Variants in USH2A observed in about 807,000 individuals in gnomAD.
USH2A encodes Usher syndrome 2A (autosomal recessive, mild).
A neutral mutation model predicts 538.9 loss-of-function variants in USH2A; 443 were observed. That is an observed-to-expected ratio of 0.82 (90% CI 0.76 to 0.89). USH2A has a LOEUF of 0.89. Among genes scored for constraint, USH2A ranks in the 40% least tolerant of loss-of-function variants. The pLI, the probability that USH2A is intolerant of heterozygous loss-of-function variation, is 0.00. For synonymous variants in USH2A, 2,413 were observed against 2,273.5 expected (o/e 1.06, Z -1.75); for missense variants, 6,633 against 6,324.8 (o/e 1.05, Z -1.65).
At chr1:215,979,503 A>G (rs1667701014) in intron 35 of USH2A, among the ~76,000 whole-genome samples, 1 of 152,188 alleles carries the variant, frequency 6.6e-6, no homozygotes, top group South Asian at 2.1e-4. Flanking sequence ...CACATGTAAA[A>G]TAGACTGGAG....
chr1:215,669,493 C>G (rs112530149), intron 64 of USH2A, among the ~76,000 whole-genome samples: 316 of 152,230 alleles, frequency 2.1e-3, no homozygotes, highest in African/African-American at 7.4e-3. Flanking sequence ...AATGTATATA[C>G]TGTATATTTT....
intron 4 of USH2A, among the ~76,000 whole-genome samples, chr1:216,331,503 G>C (rs976659903): frequency 2.6e-5 from 4 of 151,716 alleles, no homozygotes; most frequent in African/African-American, 9.7e-5. Flanking sequence ...TATAAATCAG[G>C]GTAAAAACAG....
At chr1:215,639,431 T>C (rs1656606528) in intron 68 of USH2A, among the ~76,000 whole-genome samples, 193 bp from the exon 69 acceptor site, 1 of 152,220 alleles carries the variant, frequency 6.6e-6, no homozygotes. Flanking sequence ...AGTGTAATAA[T>C]AGCCTATCCA....
At chr1:215,842,906 C>G (rs531763697) in intron 46 of USH2A, among the ~76,000 whole-genome samples, 1 of 151,986 alleles carries the variant, frequency 6.6e-6, no homozygotes, top group East Asian at 1.9e-4. Context: ...CAGCAAACCA[C>G]CATGGCATAC....
intron 61 of USH2A, among the ~76,000 whole-genome samples, chr1:215,717,578 T>C (rs1659521266): frequency 6.6e-6 from 1 of 152,112 alleles, no homozygotes; most frequent in Non-Finnish European, 1.5e-5. Flanking sequence ...ACACGACGAG[T>C]TTCAGAGAGA....
At chr1:215,901,014 CAAT>C in intron 38 of USH2A, 109 bp from the exon 39 acceptor site, 1 of 1,286,666 alleles carries the variant, frequency 7.8e-7, no homozygotes, top group South Asian at 1.2e-5. Flanking sequence ...GGATCAACAA[CAAT>C]GTTAAACATG....
intron 22 of USH2A, among the ~76,000 whole-genome samples, chr1:216,091,299 T>C (rs1297222134): frequency 6.6e-6 from 1 of 152,230 alleles, no homozygotes; most frequent in Admixed American, 6.5e-5. Flanking sequence ...CAGAATATGA[T>C]GTGAATTTCC....
At chr1:216,366,050 T>A (rs1489928774) in intron 3 of USH2A, among the ~76,000 whole-genome samples, 1 of 152,160 alleles carries the variant, frequency 6.6e-6, no homozygotes, top group Non-Finnish European at 1.5e-5. Context: ...AATAAACTAA[T>A]CAGCTGTTTG....
intron 9 of USH2A, among the ~76,000 whole-genome samples, chr1:216,316,585 T>C (rs11120760): frequency 0.055 from 8,359 of 152,258 alleles, 446 homozygotes; most frequent in African/African-American, 0.15. Flanking sequence ...GAGTTGTTGA[T>C]GGCAGGAAAT....
chr1:215,669,408 C>T (rs938915208), intron 64 of USH2A, among the ~76,000 whole-genome samples: 5 of 152,184 alleles, frequency 3.3e-5, no homozygotes, highest in Admixed American at 2.0e-4. Flanking sequence ...ACATAAACCA[C>T]AATTCTTATC....
intron 16 of USH2A, among the ~76,000 whole-genome samples, chr1:216,201,315 T>C (rs1397872240): frequency 6.7e-6 from 1 of 150,126 alleles, no homozygotes; most frequent in Non-Finnish European, 1.5e-5. Context: ...TTTTCTTTTT[T>C]TTTTTTTTTT....
At chr1:215,638,943 A>G (rs1236427410) in intron 69 of USH2A, among the ~76,000 whole-genome samples, 5 of 151,002 alleles carry the variant, frequency 3.3e-5, no homozygotes, top group African/African-American at 4.9e-5. Context: ...GCACCACTGC[A>G]CTCCAGCCTG....
intron 30 of USH2A, among the ~76,000 whole-genome samples, chr1:216,055,083 T>C (rs1482522928): frequency 6.6e-6 from 1 of 152,202 alleles, no homozygotes; most frequent in East Asian, 1.9e-4. Context: ...TTTTTTTTCT[T>C]TATCTTTATA....
intron 55 of USH2A, among the ~76,000 whole-genome samples, chr1:215,769,730 T>C (rs1433151197): frequency 6.6e-6 from 1 of 152,128 alleles, no homozygotes; most frequent in Non-Finnish European, 1.5e-5. Context: ...CAAGGAGGAA[T>C]GGCAGACTCA....
intron 47 of USH2A, among the ~76,000 whole-genome samples, chr1:215,831,160 C>T (rs1450746585): frequency 3.3e-5 from 5 of 152,108 alleles, no homozygotes. Context: ...TTTATCAAGA[C>T]ATTAACAATC....
intron 58 of USH2A, 74 bp downstream of exon 58, chr1:215,758,521 G>C: frequency 1.3e-6 from 2 of 1,531,130 alleles, no homozygotes; most frequent in South Asian, 2.3e-5. Context: ...TAAATTAACA[G>C]TTCTATTCTT....
intron 21 of USH2A, among the ~76,000 whole-genome samples, chr1:216,143,159 C>T (rs1015776640): frequency 6.6e-6 from 1 of 152,138 alleles, no homozygotes. Context: ...CCAAATGGAA[C>T]ATGGTACTCC....
At chr1:216,239,248 A>C (rs1040921789) in intron 13 of USH2A, among the ~76,000 whole-genome samples, 1 of 152,228 alleles carries the variant, frequency 6.6e-6, no homozygotes. Context: ...TTTGTTAAAA[A>C]ATATATGATA....
At chr1:216,238,737 T>C (rs1226072959) in intron 13 of USH2A, among the ~76,000 whole-genome samples, 1 of 152,190 alleles carries the variant, frequency 6.6e-6, no homozygotes, top group Non-Finnish European at 1.5e-5. Context: ...CCTTCCTTAA[T>C]AATGTTTTTT....
Sources: allele counts gnomAD v4.1 joint callset (sites outside exome capture counted in the v4.1 genomes callset), GRCh38; gene constraint gnomAD v4.1.1; transcripts MANE v1.5; gene names NCBI Gene and HGNC (gene_info 2026-07-23, HGNC 2026-07-21).